The following PTPRD variants were observed in gnomAD, a reference collection of about 807,000 sequenced individuals.
PTPRD encodes the protein receptor-type tyrosine-protein phosphatase delta.
A neutral mutation model predicts 214.5 loss-of-function variants in PTPRD; 34 were observed. That is an observed-to-expected ratio of 0.16 (90% CI 0.12 to 0.21). The LOEUF (loss-of-function observed/expected upper bound fraction) is 0.21. Ranked by LOEUF, PTPRD falls within the 10% of genes least tolerant of loss-of-function variation. The probability of loss-of-function intolerance (pLI) is 1.00; values close to 1 mark genes in which losing one functional copy is unlikely to be tolerated. For synonymous variants in PTPRD, 1,128 were observed against 845.7 expected, an observed-to-expected ratio of 1.33 and a Z score of -5.79; for missense variants, 2,545 against 2,398.7, an observed-to-expected ratio of 1.06 and a Z score of -1.27.
rs77033824 is a variant in PTPRD, at chr9:10,289,499, C to T, written c.-545+51464G>A. On this transcript the variant is annotated intron_variant, in intron 3 of 45. Coordinates refer to ENST00000381196, the MANE Select transcript of PTPRD (RefSeq NM_002839.4). ...CCCCAAACACCTACAATCACTATGACGAGAAATTTGTCTTGAAATCTGAAA... is the reference window on the plus strand; with the variant it reads ...CCCCAAACACCTACAATCACTATGATGAGAAATTTGTCTTGAAATCTGAAA... Among the ~76,000 whole-genome samples the T allele has an allele frequency of 1.9e-3, 295 of 152,142 alleles. 1 individual carries two copies. The highest frequency in any genetic ancestry group is 0.012 in the South Asian group (58 of 4,818).
At chr9:8,890,215 A>G (rs1450627711) in intron 11 of PTPRD, among the ~76,000 whole-genome samples, 1 of 152,248 alleles carries the variant, frequency 6.6e-6, no homozygotes, top group Non-Finnish European at 1.5e-5. Flanking sequence ...AAGGGCTACA[A>G]TAAAAGACTT....
At chr9:9,212,443 G>A (rs893464763) in intron 9 of PTPRD, among the ~76,000 whole-genome samples, 4 of 152,052 alleles carry the variant, frequency 2.6e-5, no homozygotes, top group African/African-American at 7.2e-5. Context: ...TCACTATTTA[G>A]TCAGTCTGTT....
At chr9:8,917,842 T>C (rs1217345404) in intron 11 of PTPRD, among the ~76,000 whole-genome samples, 1 of 152,240 alleles carries the variant, frequency 6.6e-6, no homozygotes, top group Admixed American at 6.5e-5. Flanking sequence ...GACCATTTGA[T>C]GGAAAGGCAG....
chr9:10,575,839 C>T (rs2069111904), intron 2 of PTPRD, among the ~76,000 whole-genome samples: 1 of 152,096 alleles, frequency 6.6e-6, no homozygotes, highest in Non-Finnish European at 1.5e-5. Flanking sequence ...AACATCATTG[C>T]TACATTGCTC....
At chr9:8,849,317 A>G (rs1451985890) in intron 11 of PTPRD, among the ~76,000 whole-genome samples, 1 of 151,810 alleles carries the variant, frequency 6.6e-6, no homozygotes, top group African/African-American at 2.4e-5. Flanking sequence ...CTGGGACTAT[A>G]GGCAAGTGCC....
chr9:9,734,639 A>G, intron 6 of PTPRD, 68 bp from the exon 7 acceptor site: 1 of 152,236 alleles, frequency 6.6e-6, no homozygotes, highest in Middle Eastern at 3.4e-3. Flanking sequence ...ATAGACAATA[A>G]AATGCTATAA....
intron 11 of PTPRD, chr9:8,858,186 C>T (rs2097991430): frequency 6.3e-6 from 1 of 157,580 alleles, no homozygotes; most frequent in Non-Finnish European, 1.4e-5. Context: ...CCTCTCCTCC[C>T]TCCGCCTCTC....
chr9:8,805,837 T>C (rs957522243), intron 11 of PTPRD, among the ~76,000 whole-genome samples: 6 of 150,130 alleles, frequency 4.0e-5, no homozygotes, highest in African/African-American at 1.2e-4. Flanking sequence ...CTAGTAGAAA[T>C]ACAAAAAATA....
intron 10 of PTPRD, among the ~76,000 whole-genome samples, chr9:9,076,926 T>G (rs1225251010): frequency 2.0e-4 from 30 of 152,054 alleles, no homozygotes; most frequent in Admixed American, 2.0e-3. Context: ...ACCAACAGTG[T>G]ACAAGGGTTC....
chr9:8,898,142 C>T (rs1317296783), intron 11 of PTPRD, among the ~76,000 whole-genome samples: 2 of 152,280 alleles, frequency 1.3e-5, no homozygotes, highest in East Asian at 3.9e-4. Context: ...TGTCAGTCTT[C>T]TCATGCCCTC....
At chr9:9,066,816 T>C (rs1300256859) in intron 10 of PTPRD, among the ~76,000 whole-genome samples, 1 of 152,242 alleles carries the variant, frequency 6.6e-6, no homozygotes, top group Non-Finnish European at 1.5e-5. Context: ...TGCGAAGCAG[T>C]GTGATCTAGC....
At chr9:8,501,188 T>C in intron 23 of PTPRD, 129 bp from the exon 24 acceptor site, 1 of 697,416 alleles carries the variant, frequency 1.4e-6, no homozygotes. Flanking sequence ...AAAATAAGGC[T>C]TTGAAACTTA....
At chr9:9,334,489 C>G (rs1252657189) in intron 9 of PTPRD, among the ~76,000 whole-genome samples, 3 of 151,836 alleles carry the variant, frequency 2.0e-5, no homozygotes, top group Admixed American at 6.6e-5. Flanking sequence ...CTGTCAAGTT[C>G]AGAAGTGACA....
At chr9:8,625,383 C>T (rs963563180) in intron 14 of PTPRD, among the ~76,000 whole-genome samples, 2 of 151,680 alleles carry the variant, frequency 1.3e-5, no homozygotes, top group African/African-American at 4.8e-5. Context: ...CAGTTACCCA[C>T]GTAATTAAAC....
At chr9:10,567,379 T>C (rs905141089) in intron 2 of PTPRD, among the ~76,000 whole-genome samples, 2 of 139,376 alleles carry the variant, frequency 1.4e-5, no homozygotes, top group African/African-American at 4.9e-5. Context: ...CTATAGCTTT[T>C]CTGCAAAAAA....
At chr9:10,261,004 A>ATGTG (rs2093658081) in intron 3 of PTPRD, among the ~76,000 whole-genome samples, 1 of 147,846 alleles carries the variant, frequency 6.8e-6, no homozygotes, top group African/African-American at 2.5e-5. Flanking sequence ...ATATGTGTAT[A>ATGTG]TATGTATATA....
intron 3 of PTPRD, among the ~76,000 whole-genome samples, chr9:10,062,804 A>T: frequency 6.6e-6 from 1 of 151,990 alleles, no homozygotes; most frequent in Non-Finnish European, 1.5e-5. Context: ...TTATGGTTAA[A>T]CATCTTTCAT....
intron 12 of PTPRD, among the ~76,000 whole-genome samples, chr9:8,670,113 C>T (rs190319371): frequency 1.3e-5 from 2 of 151,946 alleles, no homozygotes; most frequent in Admixed American, 1.3e-4. Context: ...TCTTTGAACC[C>T]ATGGTTTTCT....
intron 4 of PTPRD, among the ~76,000 whole-genome samples, chr9:9,951,082 A>G (rs1322573516): frequency 2.0e-5 from 3 of 152,284 alleles, no homozygotes; most frequent in African/African-American, 7.2e-5. Flanking sequence ...CATAAGTACC[A>G]GGAATTTTCA....
Sources: gnomAD v4.1 joint callset for allele counts (sites outside exome capture counted in the v4.1 genomes callset) on GRCh38, gnomAD v4.1.1 for gene constraint, MANE v1.5 for transcripts, NCBI Gene and HGNC (gene_info 2026-07-23, HGNC 2026-07-21) for gene names.